CAMKMT: variants seen among roughly 807,000 people sequenced by gnomAD.
The protein encoded by CAMKMT is CaM KMT.
Under a neutral mutation model 48.0 loss-of-function variants are expected in CAMKMT, and 53 were observed. The observed-to-expected ratio is 1.10, with a 90% CI of 0.89 to 1.39. The LOEUF (loss-of-function observed/expected upper bound fraction) is 1.39, where lower values mean the gene tolerates loss of function less well. CAMKMT is among the 40% of genes most tolerant of loss of function. The pLI is 0.00. For missense variants in CAMKMT, 428 were observed against 402.7 expected, an observed-to-expected ratio of 1.06 and a Z score of -0.54; for synonymous variants, 165 against 152.3, an observed-to-expected ratio of 1.08 and a Z score of -0.61.
chr2:44,725,888 A>T (rs1208325607), intron 7 of CAMKMT, among the ~76,000 whole-genome samples: 1 of 150,570 alleles, frequency 6.6e-6, no homozygotes, highest in African/African-American at 2.4e-5. Context: ...ACATGTGCAG[A>T]TTTGTTAGAT....
intron 3 of CAMKMT, among the ~76,000 whole-genome samples, chr2:44,500,966 G>A (rs986238089): frequency 6.6e-6 from 1 of 151,678 alleles, no homozygotes; most frequent in African/African-American, 2.4e-5. Flanking sequence ...ACAGGCATGA[G>A]TCATCATGCC....
chr2:44,455,511 A>G (rs1011003669), intron 3 of CAMKMT, among the ~76,000 whole-genome samples: 2 of 152,194 alleles, frequency 1.3e-5, no homozygotes, highest in African/African-American at 2.4e-5. Flanking sequence ...CAGCTGTAAG[A>G]ATTTAATGGG....
chr2:44,643,813 A>G (rs1393591153), intron 3 of CAMKMT, among the ~76,000 whole-genome samples: 10 of 152,190 alleles, frequency 6.6e-5, no homozygotes, highest in Admixed American at 6.5e-4. Flanking sequence ...TGGAAAGACA[A>G]GATGCTGGTA....
Position 44,511,641 on chromosome 2 carries a change from C to T in CAMKMT, c.376+121336C>T, listed in dbSNP as rs189063675. Among the ~76,000 whole-genome samples, 433 of 152,248 alleles carry T rather than the reference C, an allele frequency of 2.8e-3. 7 individuals are homozygous for T. The highest frequency in any genetic ancestry group is 0.024 in the Admixed American group (366 of 15,292). ...GTATTTCACGTCCTACATTCTTAATCGTTACATTGGACTTTTGTAAATTAT... is the reference window on the plus strand; with the variant it reads ...GTATTTCACGTCCTACATTCTTAATTGTTACATTGGACTTTTGTAAATTAT... On this transcript the variant is annotated intron_variant, in intron 3 of 10. Coordinates refer to ENST00000378494, the MANE Select transcript of CAMKMT (RefSeq NM_024766.5).
At chr2:44,545,565 T>G (rs1424144212) in intron 3 of CAMKMT, among the ~76,000 whole-genome samples, 2 of 151,460 alleles carry the variant, frequency 1.3e-5, no homozygotes, top group East Asian at 1.9e-4. Flanking sequence ...TTTGTTTTTG[T>G]TTTTTTTGCT....
At chr2:44,461,698 A>G (rs1181055689) in intron 3 of CAMKMT, among the ~76,000 whole-genome samples, 1 of 152,230 alleles carries the variant, frequency 6.6e-6, no homozygotes, top group Non-Finnish European at 1.5e-5. Flanking sequence ...GTTTAAATTG[A>G]ATAATATTTC....
chr2:44,579,726 A>T (rs955624999), intron 3 of CAMKMT, among the ~76,000 whole-genome samples: 6 of 152,154 alleles, frequency 3.9e-5, no homozygotes, highest in African/African-American at 1.4e-4. Flanking sequence ...AGACAGTGAG[A>T]GATTTGGCCA....
intron 3 of CAMKMT, among the ~76,000 whole-genome samples, chr2:44,640,548 T>C (rs1267735949): frequency 6.6e-6 from 1 of 152,182 alleles, no homozygotes; most frequent in Non-Finnish European, 1.5e-5. Flanking sequence ...AGTCCTCAGT[T>C]TCCTCATACA....
At chr2:44,685,771 A>G (rs1185179347) in intron 3 of CAMKMT, among the ~76,000 whole-genome samples, 1 of 152,226 alleles carries the variant, frequency 6.6e-6, no homozygotes, top group African/African-American at 2.4e-5. Flanking sequence ...TTAATTGAAT[A>G]GGAGCAATCA....
intron 3 of CAMKMT, among the ~76,000 whole-genome samples, chr2:44,453,042 A>G (rs761086246): frequency 6.6e-6 from 1 of 152,046 alleles, no homozygotes; most frequent in Non-Finnish European, 1.5e-5. Context: ...ATCAAAGACT[A>G]TATGCTGCAG....
At chr2:44,473,853 CT>C (rs1421217832) in intron 3 of CAMKMT, among the ~76,000 whole-genome samples, 4 of 152,274 alleles carry the variant, frequency 2.6e-5, no homozygotes, top group South Asian at 4.1e-4. Flanking sequence ...TTGGTTATTA[CT>C]GGGATACCCG....
intron 3 of CAMKMT, among the ~76,000 whole-genome samples, chr2:44,641,863 G>A (rs777637015): frequency 2.6e-4 from 39 of 152,282 alleles, no homozygotes; most frequent in Non-Finnish European, 5.0e-4. Context: ...CAGCTCTGAT[G>A]TATTTTTATC....
intron 3 of CAMKMT, among the ~76,000 whole-genome samples, chr2:44,433,819 T>C (rs1245419749): frequency 1.3e-5 from 2 of 152,224 alleles, no homozygotes; most frequent in Admixed American, 1.3e-4. Flanking sequence ...TTATTTTTCC[T>C]CAATTTAAGA....
At chr2:44,635,222 A>G (rs1247691727) in intron 3 of CAMKMT, among the ~76,000 whole-genome samples, 1 of 152,170 alleles carries the variant, frequency 6.6e-6, no homozygotes, top group Non-Finnish European at 1.5e-5. Context: ...GTGTCTAGAT[A>G]AGGATAGTAT....
At chr2:44,631,479 T>G (rs79931447) in intron 3 of CAMKMT, 6,547 of 603,938 alleles carry the variant, frequency 0.011, 211 homozygotes, top group African/African-American at 0.088. Flanking sequence ...ATTTTTTATT[T>G]TTTTTGTACA....
intron 10 of CAMKMT, among the ~76,000 whole-genome samples, chr2:44,769,113 G>C (rs1386174717): frequency 3.3e-5 from 5 of 149,578 alleles, no homozygotes; most frequent in Admixed American, 6.6e-5. Flanking sequence ...TAGTTACTTG[G>C]CAGTAGTGCA....
At chr2:44,497,251 G>A (rs1290713595) in intron 3 of CAMKMT, among the ~76,000 whole-genome samples, 3 of 152,090 alleles carry the variant, frequency 2.0e-5, no homozygotes, top group Admixed American at 1.3e-4. Flanking sequence ...GAAATATTTT[G>A]TGTATGTTTA....
intron 9 of CAMKMT, among the ~76,000 whole-genome samples, chr2:44,760,475 A>T (rs868806584): frequency 6.6e-6 from 1 of 151,700 alleles, no homozygotes; most frequent in African/African-American, 2.4e-5. Context: ...GCCGGGCATT[A>T]TGGCGGGTGC....
intron 3 of CAMKMT, among the ~76,000 whole-genome samples, chr2:44,399,664 CCA>C (rs754821299): frequency 1.7e-4 from 26 of 151,768 alleles, no homozygotes; most frequent in South Asian, 8.3e-4. Flanking sequence ...ACTCTTGTAT[CCA>C]TCATAAGAAA....
Sources: allele counts gnomAD v4.1 joint callset (sites outside exome capture counted in the v4.1 genomes callset), GRCh38; gene constraint gnomAD v4.1.1; transcripts MANE v1.5; gene names NCBI Gene and HGNC (gene_info 2026-07-23, HGNC 2026-07-21).